The following TDRD5 variants were observed in gnomAD, a reference collection of about 807,000 sequenced individuals.
The protein encoded by TDRD5 is tudor domain containing 5.
A neutral mutation model predicts 120.6 loss-of-function variants in TDRD5; 41 were observed. The ratio of observed to expected loss-of-function variants is 0.34; its 90% CI spans 0.26 to 0.44. The LOEUF (loss-of-function observed/expected upper bound fraction) is 0.44. TDRD5 is among the 20% of genes least tolerant of loss of function. TDRD5 has a pLI of 1.00. For synonymous variants in TDRD5, 430 were observed against 433.7 expected (o/e 0.99, Z 0.11); for missense variants, 1,006 against 1,221.2 (o/e 0.82, Z 2.63).
intron 14 of TDRD5, among the ~76,000 whole-genome samples, chr1:179,658,307 G>C (rs1385508786): frequency 6.6e-6 from 1 of 152,124 alleles, no homozygotes; most frequent in Non-Finnish European, 1.5e-5. Flanking sequence ...TTCTGGAAAA[G>C]GTTACATAAA....
Position 179,593,451 on chromosome 1 carries a change from A to G in TDRD5, c.233-9A>G, listed in dbSNP as rs368734392. The G allele has an allele frequency of 1.2e-6, 2 of 1,606,018 alleles. No homozygotes were observed. Among genetic ancestry groups the G allele is most frequent in the African/African-American group, 2.7e-5 (2 of 74,614 alleles). On this transcript the variant is annotated splice_polypyrimidine_tract_variant and intron_variant, in intron 2 of 17. Coordinates refer to ENST00000444136, the MANE Select transcript of TDRD5 (RefSeq NM_001199085.3). ...CTCCTAAATATGATTTCTATTTTTC[A>G]CGTCTCAGCCATTCCAGATGAATCT... is the stretch of plus-strand genomic sequence containing the variant.
At chr1:179,673,130 A>G (rs908890631) in intron 17 of TDRD5, among the ~76,000 whole-genome samples, 2 of 152,064 alleles carry the variant, frequency 1.3e-5, no homozygotes, top group Non-Finnish European at 2.9e-5. Context: ...TAGTTCTGTG[A>G]TGAATGATGG....
At position 179,634,440 on chromosome 1, in the gene TDRD5, C is replaced by A; in HGVS notation, c.1127-17C>A. On this transcript the variant is annotated splice_polypyrimidine_tract_variant and intron_variant, in intron 7 of 17. Transcript: ENST00000444136. ...TTTGAGATGGAGTTGTTTCATCAGT[C>A]GGAAATTTGTGTTTAGTTCAGTCAG... 1 of 1,582,160 alleles carries A rather than the reference C, an allele frequency of 6.3e-7. No individual in the cohort carries two copies. The highest frequency in any genetic ancestry group is 8.5e-7 in the Non-Finnish European group (1 of 1,170,756).
At position 179,663,484 on chromosome 1, in the gene TDRD5, C is replaced by G; in HGVS notation, c.2642C>G (p.Thr881Ser). 1 of 1,609,724 alleles carries G rather than the reference C, an allele frequency of 6.2e-7. No homozygotes were observed. Among genetic ancestry groups the G allele is most frequent in the Non-Finnish European group, 8.5e-7 (1 of 1,178,882 alleles). Residue 881 changes from threonine (T) to serine (S), a missense_variant, in exon 16 of 18, where the codon ACT becomes AGT. This residue lies in a region of TDRD5 where 403 missense variants were observed against 448.1 expected (regional missense o/e 0.90). Coordinates refer to ENST00000444136, the MANE Select transcript of TDRD5 (RefSeq NM_001199085.3). The stretch of plus-strand genomic sequence containing the variant: ...GAAAAAAATACTGGCACAAACAGGA[C>G]TCAAAAGGTAAATGTCTAATGCAGG... ...AQEKNTGTNR[T>S]QKQLDINGSS...
chr1:179,689,891 C>T (rs935018841), intron 17 of TDRD5, among the ~76,000 whole-genome samples: 1 of 152,096 alleles, frequency 6.6e-6, no homozygotes, highest in African/African-American at 2.4e-5. Flanking sequence ...CCATTTGCTA[C>T]GAGTGTTGGA....
At chr1:179,665,587 C>CTT (rs1679518036) in intron 16 of TDRD5, among the ~76,000 whole-genome samples, 3 of 152,148 alleles carry the variant, frequency 2.0e-5, no homozygotes, top group Admixed American at 2.0e-4. Context: ...ATCCTATTCT[C>CTT]TATGTGTCTG....
chr1:179,624,363 A>G (rs1677003349), intron 6 of TDRD5, among the ~76,000 whole-genome samples: 1 of 152,180 alleles, frequency 6.6e-6, no homozygotes, highest in Admixed American at 6.5e-5. Flanking sequence ...CCCCCTTAAA[A>G]TCTGGAACAA....
At chr1:179,617,949 A>C (rs201552275) in intron 4 of TDRD5, among the ~76,000 whole-genome samples, 2 of 152,154 alleles carry the variant, frequency 1.3e-5, no homozygotes, top group East Asian at 3.9e-4. Flanking sequence ...ATATTTCCTT[A>C]ACTTTATTTT....
At chr1:179,601,994 T>C (rs552945072) in intron 4 of TDRD5, among the ~76,000 whole-genome samples, 2 of 152,292 alleles carry the variant, frequency 1.3e-5, no homozygotes, top group East Asian at 1.9e-4. Context: ...TTAGTAGATA[T>C]GGGGTTTCAC....
intron 11 of TDRD5, among the ~76,000 whole-genome samples, chr1:179,642,729 C>A (rs11581868): frequency 0.46 from 69,570 of 152,072 alleles, 16,869 homozygotes; most frequent in African/African-American, 0.62. Context: ...GGCTTTGTGC[C>A]TGGTAAATGC....
chr1:179,647,575 G>A (rs1304994680), intron 11 of TDRD5, among the ~76,000 whole-genome samples: 1 of 151,528 alleles, frequency 6.6e-6, no homozygotes, highest in Non-Finnish European at 1.5e-5. Flanking sequence ...CAAAAGCAAT[G>A]GCAACAAAAG....
intron 6 of TDRD5, among the ~76,000 whole-genome samples, chr1:179,622,741 C>T (rs1356051751): frequency 5.9e-5 from 9 of 152,060 alleles, no homozygotes; most frequent in African/African-American, 1.4e-4. Flanking sequence ...CAAAATAGAA[C>T]TTGAGTGACC....
intron 11 of TDRD5, among the ~76,000 whole-genome samples, chr1:179,648,060 C>G (rs1041408089): frequency 7.2e-5 from 11 of 151,850 alleles, no homozygotes; most frequent in Non-Finnish European, 1.6e-4. Context: ...GGATCTAGAA[C>G]TAGAAATACC....
chr1:179,654,615 A>G (rs1323179335), intron 14 of TDRD5, among the ~76,000 whole-genome samples: 1 of 152,078 alleles, frequency 6.6e-6, no homozygotes, highest in African/African-American at 2.4e-5. Context: ...ATGTACCAAA[A>G]AAAATTAGCC....
intron 6 of TDRD5, among the ~76,000 whole-genome samples, chr1:179,627,249 A>G (rs1677179447): frequency 6.6e-6 from 1 of 152,180 alleles, no homozygotes; most frequent in South Asian, 2.1e-4. Context: ...TGAGGAATCT[A>G]CTGGAGAATG....
chr1:179,684,866 A>C (rs1485953636), intron 17 of TDRD5, among the ~76,000 whole-genome samples: 2 of 152,180 alleles, frequency 1.3e-5, no homozygotes, highest in East Asian at 3.8e-4. Flanking sequence ...GTGTCTATTC[A>C]TATGCTTTGC....
chr1:179,653,883 A>G (rs1012825084), intron 13 of TDRD5, among the ~76,000 whole-genome samples: 11 of 152,140 alleles, frequency 7.2e-5, no homozygotes, highest in Admixed American at 5.2e-4. Context: ...TCATATCTTT[A>G]TGATGGTTGT....
intron 15 of TDRD5, among the ~76,000 whole-genome samples, chr1:179,662,933 T>C (rs181123772): frequency 2.0e-5 from 3 of 152,348 alleles, no homozygotes; most frequent in Non-Finnish European, 4.4e-5. Flanking sequence ...CCTTGTAATA[T>C]AACCCCTGGA....
In TDRD5 at chr1:179,639,820, G is replaced by T. The variant is rs550416516; in HGVS notation, c.1521-19G>T. ...TTTTTCTTCCCCTATGGATTTCTCTGTATTATGGAATTCCACAGGCGCTGT... is the reference window on the plus strand; with the variant it reads ...TTTTTCTTCCCCTATGGATTTCTCTTTATTATGGAATTCCACAGGCGCTGT... On this transcript the variant is annotated intron_variant, in intron 9 of 17. Transcript: ENST00000444136. 1.3e-5 allele frequency: 21 copies of T among 1,612,248 alleles called. 1 individual carries two copies. In the East Asian group the frequency reaches 4.5e-4, roughly 34 times the overall value.
Sources: allele counts gnomAD v4.1 joint callset (sites outside exome capture counted in the v4.1 genomes callset), GRCh38; gene constraint gnomAD v4.1.1; regional missense constraint gnomAD v4.1.1; transcripts MANE v1.5; gene names NCBI Gene and HGNC (gene_info 2026-07-23, HGNC 2026-07-21).